Variants in LIMCH1 observed in about 807,000 individuals in gnomAD.
LIMCH1 encodes LIM and calponin homology domains-containing protein 1.
LIMCH1 carries 113 observed loss-of-function variants against 176.5 expected under a neutral mutation model. That is an observed-to-expected ratio of 0.64 (90% CI 0.55 to 0.75). The LOEUF (loss-of-function observed/expected upper bound fraction) is 0.75, where lower values mean the gene tolerates loss of function less well. LIMCH1 is among the 30% of genes least tolerant of loss of function. The pLI, the probability that LIMCH1 is intolerant of heterozygous loss-of-function variation, is 0.00. For missense variants in LIMCH1, 1,674 were observed against 1,814.9 expected, an observed-to-expected ratio of 0.92 and a Z score of 1.41; for synonymous variants, 619 against 645.9, an observed-to-expected ratio of 0.96 and a Z score of 0.63.
At chr4:41,652,176 G>A (rs2094324314) in intron 18 of LIMCH1, among the ~76,000 whole-genome samples, 1 of 152,158 alleles carries the variant, frequency 6.6e-6, no homozygotes, top group Non-Finnish European at 1.5e-5. Flanking sequence ...GACCCAGCTA[G>A]CTAAAACCCA....
In LIMCH1 at chr4:41,667,864, G is replaced by A. The variant is rs539369947; in HGVS notation, c.3397+1198G>A. Among the ~76,000 whole-genome samples, 23 of 152,040 alleles carry A rather than the reference G, an allele frequency of 1.5e-4. No individual in the cohort carries two copies. In the South Asian group the frequency reaches 4.8e-3, roughly 32 times the overall value. On this transcript the variant is annotated intron_variant, in intron 21 of 31. Coordinates refer to ENST00000503057, the MANE Select transcript of LIMCH1 (RefSeq NM_001330672.2). ...ATGTGGAAATGGGCCAGATGCAGTG[G>A]CTCACACCTGTAATCCCAATACTTT...
At chr4:41,516,098 C>A (rs942837357) in intron 2 of LIMCH1, among the ~76,000 whole-genome samples, 1 of 152,164 alleles carries the variant, frequency 6.6e-6, no homozygotes, top group African/African-American at 2.4e-5. Context: ...GTGTTGGCAG[C>A]TTTCACGGTT....
At chr4:41,378,534 T>TG (rs1229500620) in intron 1 of LIMCH1, among the ~76,000 whole-genome samples, 1 of 152,152 alleles carries the variant, frequency 6.6e-6, no homozygotes, top group Admixed American at 6.5e-5. Flanking sequence ...CTGTAAGCAA[T>TG]GGGGTATGAC....
intron 7 of LIMCH1, among the ~76,000 whole-genome samples, chr4:41,621,308 A>G (rs767595481): frequency 6.6e-6 from 1 of 152,172 alleles, no homozygotes; most frequent in Non-Finnish European, 1.5e-5. Flanking sequence ...TGTGAGATGG[A>G]GACCTTCAGC....
intron 1 of LIMCH1, among the ~76,000 whole-genome samples, chr4:41,487,994 A>T (rs2070017937): frequency 6.6e-6 from 1 of 151,094 alleles, no homozygotes; most frequent in Non-Finnish European, 1.5e-5. Context: ...TGCTTTTCTC[A>T]GCAATCGGTG....
At chr4:41,453,205 A>AATGGTAATT (rs1396905432) in intron 1 of LIMCH1, among the ~76,000 whole-genome samples, 1 of 152,162 alleles carries the variant, frequency 6.6e-6, no homozygotes, top group East Asian at 1.9e-4. Flanking sequence ...TTAGGGAAAA[A>AATGGTAATT]ATGGTAATTA....
chr4:41,613,665 G>C lies in LIMCH1; in HGVS notation c.205+4G>C. On this transcript the variant is annotated splice_donor_region_variant and intron_variant, in intron 5 of 31. Transcript: ENST00000503057. ...GTCCTCAGGGGAAGCAGCGATGGTA[G>C]GTTGGAGTCTTAATAAACTATCCAT... 3.1e-6 allele frequency: 5 copies of C among 1,612,812 alleles called. No individual in the cohort carries two copies. The highest frequency in any genetic ancestry group is 3.3e-5 in the Admixed American group (2 of 60,010).
rs1198653459 is a variant in LIMCH1, at chr4:41,387,270, TC to T, written c.96+26336del. The stretch of plus-strand genomic sequence containing the variant: ...GAATGTATGTACATTCCACTCATAA[TC>T]CTTTTGCACAGAAATCTACTTACAT... On this transcript the variant is annotated intron_variant, in intron 1 of 26. Coordinates refer to the LIMCH1 transcript ENST00000313860. Among the ~76,000 whole-genome samples the T allele has an allele frequency of 2.0e-5, 3 of 152,356 alleles. No homozygotes were observed. The East Asian group carries it at 5.8e-4, about 29-fold the overall frequency.
At chr4:41,525,839 C>G (rs749572475) in intron 3 of LIMCH1, among the ~76,000 whole-genome samples, 3 of 152,254 alleles carry the variant, frequency 2.0e-5, no homozygotes, top group Middle Eastern at 3.4e-3. Flanking sequence ...TGATGAACAT[C>G]TGTTTGTCCC....
intron 13 of LIMCH1, among the ~76,000 whole-genome samples, chr4:41,637,138 A>T (rs545699252): frequency 1.4e-4 from 21 of 152,222 alleles, no homozygotes; most frequent in African/African-American, 5.1e-4. Context: ...ACTGGGAAAC[A>T]CTTACCTAGT....
chr4:41,472,660 C>A (rs969344166), intron 1 of LIMCH1, among the ~76,000 whole-genome samples: 1 of 152,032 alleles, frequency 6.6e-6, no homozygotes, highest in African/African-American at 2.4e-5. Flanking sequence ...CTAAAGCGAT[C>A]GCCCACCTTG....
chr4:41,378,332 CTG>C (rs2055091980), intron 1 of LIMCH1, among the ~76,000 whole-genome samples: 1 of 152,196 alleles, frequency 6.6e-6, no homozygotes, highest in African/African-American at 2.4e-5. Context: ...AATGCTATGA[CTG>C]TGGGGGAAGT....
chr4:41,653,327 T>C (rs1442770857), intron 18 of LIMCH1, among the ~76,000 whole-genome samples: 1 of 134,210 alleles, frequency 7.5e-6, no homozygotes, highest in Non-Finnish European at 1.6e-5. Flanking sequence ...ACAGCCGGTA[T>C]ACTCCTGTTA....
At chr4:41,361,254 G>C (rs1187881247) in intron 1 of LIMCH1, among the ~76,000 whole-genome samples, 4 of 152,248 alleles carry the variant, frequency 2.6e-5, no homozygotes, top group Admixed American at 1.3e-4. Flanking sequence ...TCCAGGCGCT[G>C]CCAAGGGAAG....
At chr4:41,468,798 C>T (rs924838076) in intron 1 of LIMCH1, among the ~76,000 whole-genome samples, 4 of 152,040 alleles carry the variant, frequency 2.6e-5, no homozygotes, top group East Asian at 3.9e-4. Context: ...GTGTCTCTTT[C>T]CCAGTGTAGC....
intron 1 of LIMCH1, among the ~76,000 whole-genome samples, chr4:41,396,109 CAG>C (rs2057777024): frequency 6.6e-6 from 1 of 152,128 alleles, no homozygotes; most frequent in African/African-American, 2.4e-5. Flanking sequence ...TAACAGAAGT[CAG>C]AGTGTTTGTG....
intron 2 of LIMCH1, among the ~76,000 whole-genome samples, chr4:41,602,468 A>G (rs931094079): frequency 6.6e-6 from 1 of 152,170 alleles, no homozygotes; most frequent in Non-Finnish European, 1.5e-5. Context: ...ATCACTGCAG[A>G]AAAAGCTTTA....
rs770388455 is a variant in LIMCH1, at chr4:41,646,170, AAT to A, written c.2302_2303del (p.Ile768GlnfsTer21). ...SRRRSVSQDLIKKEEERKKME... is the reference protein window; with the variant it reads ...SRRRSVSQDLXKKEEERKKME... ...GTAGAAGAAGTGTTTCTCAGGACTTAATCAAGAAAGAGGAAGAAAGGAAAAAA... is the reference window on the plus strand; with the variant it reads ...GTAGAAGAAGTGTTTCTCAGGACTTACAAGAAAGAGGAAGAAAGGAAAAAA... On this transcript the variant is annotated frameshift_variant, in exon 16 of 32. Transcript: ENST00000503057. LOFTEE classifies it high-confidence loss of function. 1 of 1,613,982 alleles carries A rather than the reference AAT, an allele frequency of 6.2e-7. No individual in the cohort carries two copies. Among genetic ancestry groups the A allele is most frequent in the African/African-American group, 1.3e-5 (1 of 74,954 alleles).
chr4:41,562,079 G>A (rs936305065), intron 1 of LIMCH1, among the ~76,000 whole-genome samples: 1 of 152,152 alleles, frequency 6.6e-6, no homozygotes, highest in Non-Finnish European at 1.5e-5. Flanking sequence ...GTGTTCAGAA[G>A]TAGCCAAGGT....
Sources: allele counts gnomAD v4.1 joint callset (sites outside exome capture counted in the v4.1 genomes callset), GRCh38; gene constraint gnomAD v4.1.1; transcripts MANE v1.5; gene names NCBI Gene and HGNC (gene_info 2026-07-23, HGNC 2026-07-21).